CCDC152: variants seen among roughly 807,000 people sequenced by gnomAD.
CCDC152 encodes the protein coiled-coil domain containing 152.
A neutral mutation model predicts 38.1 loss-of-function variants in CCDC152; 37 were observed. That is an observed-to-expected ratio of 0.97 (90% confidence interval 0.75 to 1.28). The LOEUF is 1.28. CCDC152 is among the 50% of genes most tolerant of loss of function. CCDC152 has a pLI of 0.00. For synonymous variants in CCDC152, 83 were observed against 87.1 expected (o/e 0.95, Z 0.26); for missense variants, 259 against 292.1 (o/e 0.89, Z 0.83).
intron 7 of CCDC152, among the ~76,000 whole-genome samples, chr5:42,798,666 A>C (rs1415726209): frequency 1.3e-5 from 2 of 152,190 alleles, no homozygotes; most frequent in African/African-American, 4.8e-5. Flanking sequence ...TTTTCATTGT[A>C]CCTAACCATT....
intron 6 of CCDC152, among the ~76,000 whole-genome samples, chr5:42,787,894 G>A (rs939905467): frequency 1.3e-5 from 2 of 152,064 alleles, no homozygotes; most frequent in African/African-American, 4.8e-5. Flanking sequence ...GTCTTGCTTT[G>A]TTAACCCAAT....
intron 5 of CCDC152, among the ~76,000 whole-genome samples, chr5:42,782,221 C>T (rs1759855922): frequency 6.6e-6 from 1 of 152,192 alleles, no homozygotes; most frequent in Non-Finnish European, 1.5e-5. Context: ...GTTCAGCTTG[C>T]ATTCAAAGAG....
chr5:42,786,914 C>T (rs934273974), intron 6 of CCDC152, among the ~76,000 whole-genome samples: 2 of 151,910 alleles, frequency 1.3e-5, no homozygotes, highest in African/African-American at 2.4e-5. Flanking sequence ...ACCTAAAAGT[C>T]AACCAGGAGC....
chr5:42,794,455 G>T (rs1009224686), intron 6 of CCDC152, among the ~76,000 whole-genome samples: 1 of 152,184 alleles, frequency 6.6e-6, no homozygotes, highest in Non-Finnish European at 1.5e-5. Flanking sequence ...TTACTGAGAT[G>T]ATCCTTTGAT....
At position 42,783,462 on chromosome 5, in the gene CCDC152, T is replaced by A; in HGVS notation, c.328-12T>A. On this transcript the variant is annotated splice_polypyrimidine_tract_variant and intron_variant, in intron 5 of 8. Coordinates refer to ENST00000361970, the MANE Select transcript of CCDC152 (RefSeq NM_001134848.2). Reference sequence around the variant, plus strand: ...TTAAATTTTAAAAATTAATATATATTTTAATCTTTAGGAATATAAGAATAA... The same window carrying A: ...TTAAATTTTAAAAATTAATATATATATTAATCTTTAGGAATATAAGAATAA... 1 of 1,108,470 alleles carries A rather than the reference T, an allele frequency of 9.0e-7. No individual in the cohort carries two copies. The highest frequency in any genetic ancestry group is 3.1e-5 in the South Asian group (1 of 32,172). 68.7% of individuals were successfully genotyped at this position (1,108,470 alleles called of 1,614,324 possible).
intron 2 of CCDC152, among the ~76,000 whole-genome samples, chr5:42,759,451 G>A (rs1759520826): frequency 6.6e-6 from 1 of 152,092 alleles, no homozygotes; most frequent in Admixed American, 6.5e-5. Flanking sequence ...ATGTACTTTT[G>A]CCAAAGTCAA....
intron 5 of CCDC152, among the ~76,000 whole-genome samples, chr5:42,780,380 G>A (rs534455328): frequency 6.6e-6 from 1 of 152,126 alleles, no homozygotes; most frequent in Non-Finnish European, 1.5e-5. Context: ...TGGTTTTTAA[G>A]TATTTCTGAA....
In CCDC152 at chr5:42,801,683, G is replaced by T. The variant is rs540913973; in HGVS notation, c.*1902G>T. The T allele has an allele frequency of 3.6e-6, 1 of 280,682 alleles. No homozygotes were observed. Among genetic ancestry groups the T allele is most frequent in the East Asian group, 6.1e-5 (1 of 16,378 alleles). The allele number at this position is 280,682 out of a possible 1,614,324, so 17.4% of individuals were successfully genotyped here. On this transcript the variant is annotated 3_prime_UTR_variant, in exon 9 of 9. Coordinates refer to ENST00000361970, the MANE Select transcript of CCDC152 (RefSeq NM_001134848.2). ...TGTAATCCCACCACTTTGGGTGGCC[G>T]AGGGGGGCAGATTACTTGGGCTCAG...
At chr5:42,777,919 C>A (rs1759789796) in intron 4 of CCDC152, among the ~76,000 whole-genome samples, 8 of 151,964 alleles carry the variant, frequency 5.3e-5, no homozygotes, top group Admixed American at 5.2e-4. Flanking sequence ...TGGTTTAATA[C>A]CTCTGCAATA....
At chr5:42,771,024 AAGTATAT>A (rs1327873663) in intron 4 of CCDC152, among the ~76,000 whole-genome samples, 1 of 152,182 alleles carries the variant, frequency 6.6e-6, no homozygotes, top group Non-Finnish European at 1.5e-5. Context: ...TAGGTTTTCT[AAGTATAT>A]AGTCATGTCA....
intron 3 of CCDC152, among the ~76,000 whole-genome samples, chr5:42,769,121 T>C (rs1387322896): frequency 2.0e-5 from 3 of 151,962 alleles, no homozygotes; most frequent in Non-Finnish European, 4.4e-5. Flanking sequence ...TGGTGACGCG[T>C]GCCTGTGATC....
intron 4 of CCDC152, among the ~76,000 whole-genome samples, chr5:42,777,527 A>C (rs949709588): frequency 6.6e-6 from 1 of 152,138 alleles, no homozygotes; most frequent in Non-Finnish European, 1.5e-5. Context: ...CTCTGTGCTC[A>C]ACTCAAATAT....
chr5:42,784,986 A>G (rs1481319572), intron 6 of CCDC152, among the ~76,000 whole-genome samples: 3 of 152,008 alleles, frequency 2.0e-5, no homozygotes, highest in South Asian at 2.1e-4. Context: ...TACTAGTACT[A>G]TGCTGTTTTG....
intron 5 of CCDC152, among the ~76,000 whole-genome samples, chr5:42,782,556 G>A (rs183337152): frequency 6.6e-6 from 1 of 152,114 alleles, no homozygotes; most frequent in Non-Finnish European, 1.5e-5. Context: ...GTTGGTGAAA[G>A]GATAAAAAAT....
chr5:42,762,879 A>G (rs1398572457), intron 3 of CCDC152, among the ~76,000 whole-genome samples: 1 of 152,246 alleles, frequency 6.6e-6, no homozygotes, highest in Non-Finnish European at 1.5e-5. Flanking sequence ...TTGAATTTCT[A>G]CCTTATAATT....
intron 6 of CCDC152, among the ~76,000 whole-genome samples, chr5:42,784,513 T>C (rs957663248): frequency 6.6e-6 from 1 of 152,180 alleles, no homozygotes; most frequent in African/African-American, 2.4e-5. Flanking sequence ...TATTAGTCCT[T>C]TGGTGGATAT....
chr5:42,799,392 A>AC lies in CCDC152; in HGVS notation c.576_577insC (p.Arg193GlnfsTer5). ...TGATTCAGTTTGATGCCAAACTAGCAAGAGTTCAGACTAAATCAAAATCAT... is the reference window on the plus strand; with the variant it reads ...TGATTCAGTTTGATGCCAAACTAGCACAGAGTTCAGACTAAATCAAAATCAT... On this transcript the variant is annotated frameshift_variant, in exon 8 of 9. Coordinates refer to ENST00000361970, the MANE Select transcript of CCDC152 (RefSeq NM_001134848.2). LOFTEE classifies it high-confidence loss of function. 6.5e-7 allele frequency: 1 copy of AC among 1,538,470 alleles called. No individual in the cohort carries two copies. The highest frequency in any genetic ancestry group is 8.8e-7 in the Non-Finnish European group (1 of 1,139,648).
intron 3 of CCDC152, among the ~76,000 whole-genome samples, chr5:42,768,918 A>G (rs887345817): frequency 1.3e-5 from 2 of 152,262 alleles, no homozygotes; most frequent in Admixed American, 1.3e-4. Flanking sequence ...AGTCATTACC[A>G]AGTTTTGAAA....
chr5:42,781,930 T>C (rs1759852254), intron 5 of CCDC152, among the ~76,000 whole-genome samples: 1 of 152,198 alleles, frequency 6.6e-6, no homozygotes, highest in Non-Finnish European at 1.5e-5. Flanking sequence ...TTTCTTCATG[T>C]AGGACCATAC....
Sources: gnomAD v4.1 joint callset for allele counts (sites outside exome capture counted in the v4.1 genomes callset) on GRCh38, gnomAD v4.1.1 for gene constraint, MANE v1.5 for transcripts, NCBI Gene and HGNC (gene_info 2026-07-23, HGNC 2026-07-21) for gene names.